Variants in ZNF277 observed in about 807,000 individuals in gnomAD.
ZNF277 encodes nuclear receptor-interacting factor 4.
Under a neutral mutation model 60.7 loss-of-function variants are expected in ZNF277, and 55 were observed. The observed-to-expected ratio is 0.91, with a 90% CI of 0.73 to 1.13. The LOEUF (loss-of-function observed/expected upper bound fraction) is 1.13. ZNF277 is among the 50% of genes most tolerant of loss of function. The pLI is 0.00. For missense variants in ZNF277, 510 were observed against 523.0 expected, an observed-to-expected ratio of 0.98 and a Z score of 0.24; for synonymous variants, 178 against 179.3, an observed-to-expected ratio of 0.99 and a Z score of 0.06.
chr7:112,254,997 C>CA (rs944167823), intron 1 of ZNF277, among the ~76,000 whole-genome samples: 29 of 151,392 alleles, frequency 1.9e-4, no homozygotes, highest in Middle Eastern at 3.4e-3. Flanking sequence ...AACAAACAAA[C>CA]AAAAAAAACA....
At chr7:112,267,646 T>A (rs373271714) in intron 1 of ZNF277, among the ~76,000 whole-genome samples, 4 of 152,202 alleles carry the variant, frequency 2.6e-5, no homozygotes, top group South Asian at 2.1e-4. Flanking sequence ...AAACATCCCC[T>A]TCATTTTCTT....
chr7:112,208,384 CA>C (rs1012963326), intron 1 of ZNF277, among the ~76,000 whole-genome samples: 2 of 146,690 alleles, frequency 1.4e-5, no homozygotes, highest in African/African-American at 2.5e-5. Context: ...AAAAACAAAA[CA>C]AAAAAAAAGG....
chr7:112,219,786 C>T (rs1821979210), intron 1 of ZNF277, among the ~76,000 whole-genome samples: 1 of 152,128 alleles, frequency 6.6e-6, no homozygotes, highest in Non-Finnish European at 1.5e-5. Flanking sequence ...CAGGTGTGCA[C>T]CATCACACCT....
At chr7:112,236,225 A>C (rs1219912719) in intron 1 of ZNF277, among the ~76,000 whole-genome samples, 1 of 152,008 alleles carries the variant, frequency 6.6e-6, no homozygotes, top group Non-Finnish European at 1.5e-5. Context: ...TAACCTGCTG[A>C]TTTTTCCAAA....
At chr7:112,214,762 A>C (rs139728006) in intron 1 of ZNF277, among the ~76,000 whole-genome samples, 1,912 of 152,314 alleles carry the variant, frequency 0.013, 46 homozygotes, top group African/African-American at 0.044. Flanking sequence ...TTATAGGATA[A>C]TGTGGGATAG....
chr7:112,241,830 GA>G (rs2116994785), intron 1 of ZNF277, among the ~76,000 whole-genome samples: 1 of 152,180 alleles, frequency 6.6e-6, no homozygotes, highest in South Asian at 2.1e-4. Context: ...ATAGAGAATA[GA>G]ATGATGGTTA....
chr7:112,257,144 T>G (rs2117018106), intron 1 of ZNF277, among the ~76,000 whole-genome samples: 1 of 152,326 alleles, frequency 6.6e-6, no homozygotes, highest in Non-Finnish European at 1.5e-5. Flanking sequence ...ACATAATCAA[T>G]ACAATATTAC....
chr7:112,277,247 T>G (rs1160542525), intron 1 of ZNF277, among the ~76,000 whole-genome samples: 1 of 152,008 alleles, frequency 6.6e-6, no homozygotes, highest in Non-Finnish European at 1.5e-5. Context: ...CCAGCCCGGC[T>G]AATTTTTTGT....
At chr7:112,320,245 T>C (rs1028077040) in intron 5 of ZNF277, among the ~76,000 whole-genome samples, 3 of 152,176 alleles carry the variant, frequency 2.0e-5, no homozygotes, top group Admixed American at 6.5e-5. Context: ...CATTCTGTAT[T>C]GAGTAGGGTC....
chr7:112,232,924 A>G (rs994752452), intron 1 of ZNF277, among the ~76,000 whole-genome samples: 1 of 152,088 alleles, frequency 6.6e-6, no homozygotes, highest in African/African-American at 2.4e-5. Context: ...CCTAATTCAT[A>G]TATTCTCTCT....
intron 1 of ZNF277, among the ~76,000 whole-genome samples, chr7:112,223,725 G>A (rs530255564): frequency 6.6e-6 from 1 of 152,312 alleles, no homozygotes; most frequent in African/African-American, 2.4e-5. Flanking sequence ...AGAGAAGCAG[G>A]GATATAAGCA....
rs561311511 is a variant in ZNF277, at chr7:112,208,200, C to T, written c.91+1393C>T. Reference sequence around the variant, plus strand: ...GACCAGCCTGGCCAATATGGTGAAACCCCGTCTCTACTAAAAATACAAAAA... The same window carrying T: ...GACCAGCCTGGCCAATATGGTGAAATCCCGTCTCTACTAAAAATACAAAAA... On this transcript the variant is annotated intron_variant, in intron 1 of 11. Coordinates refer to ENST00000361822, the MANE Select transcript of ZNF277 (RefSeq NM_021994.3). Among the ~76,000 whole-genome samples, 5 of 152,096 alleles carry T rather than the reference C, an allele frequency of 3.3e-5. No homozygotes were observed. In the East Asian group the frequency reaches 5.8e-4, roughly 18 times the overall value.
intron 1 of ZNF277, among the ~76,000 whole-genome samples, chr7:112,269,410 T>G (rs1374139416): frequency 1.3e-5 from 2 of 152,090 alleles, no homozygotes; most frequent in Non-Finnish European, 2.9e-5. Context: ...GAATAAATTA[T>G]TCTAGGACAA....
intron 1 of ZNF277, among the ~76,000 whole-genome samples, chr7:112,249,237 T>C (rs1791147304): frequency 6.6e-6 from 1 of 152,192 alleles, no homozygotes; most frequent in Non-Finnish European, 1.5e-5. Flanking sequence ...CAGGATGGGC[T>C]GAGGCAGGAG....
At chr7:112,289,156 C>G (rs901091262) in intron 2 of ZNF277, among the ~76,000 whole-genome samples, 4 of 152,074 alleles carry the variant, frequency 2.6e-5, no homozygotes, top group African/African-American at 9.7e-5. Context: ...ACCTAATTAT[C>G]ATTTGTAAAA....
rs182281970 is a variant in ZNF277 at position 112,230,269 on chromosome 7, A to G, written c.91+23462A>G. Among the ~76,000 whole-genome samples the G allele has an allele frequency of 2.0e-4, 31 of 152,318 alleles. 1 individual carries two copies. The South Asian group carries it at 6.2e-3, about 31-fold the overall frequency. Reference sequence around the variant, plus strand: ...TGGTGAAACCTCATCTCTACTAGAAACAGCCTGTGGCCGTACTAATGTGAG... The same window carrying G: ...TGGTGAAACCTCATCTCTACTAGAAGCAGCCTGTGGCCGTACTAATGTGAG... On this transcript the variant is annotated intron_variant, in intron 1 of 11. Transcript: ENST00000361822.
intron 1 of ZNF277, among the ~76,000 whole-genome samples, chr7:112,242,155 TA>T (rs1216183997): frequency 2.6e-5 from 4 of 151,734 alleles, no homozygotes; most frequent in African/African-American, 7.3e-5. Flanking sequence ...ATTTAAAATT[TA>T]AAAAAAGATA....
chr7:112,286,399 G>A (rs2117061001), intron 1 of ZNF277, among the ~76,000 whole-genome samples: 1 of 152,322 alleles, frequency 6.6e-6, no homozygotes, highest in East Asian at 1.9e-4. Flanking sequence ...GAAAGAGTTT[G>A]CAGATGCGAC....
intron 5 of ZNF277, among the ~76,000 whole-genome samples, chr7:112,321,167 C>G (rs1301286177): frequency 6.6e-6 from 1 of 151,676 alleles, no homozygotes; most frequent in Non-Finnish European, 1.5e-5. Context: ...GTGATCCCCC[C>G]GCCTCAGCCT....
Sources: allele counts gnomAD v4.1 joint callset (sites outside exome capture counted in the v4.1 genomes callset), GRCh38; gene constraint gnomAD v4.1.1; transcripts MANE v1.5; gene names NCBI Gene and HGNC (gene_info 2026-07-23, HGNC 2026-07-21).